Variants in SLC17A8 observed in about 807,000 individuals in gnomAD.
SLC17A8 encodes the protein solute carrier family 17 member 8, also known as vesicular glutamate transporter 3.
SLC17A8 carries 31 observed loss-of-function variants against 58.0 expected under a neutral mutation model. The ratio of observed to expected loss-of-function variants is 0.53; its 90% confidence interval spans 0.40 to 0.72. The LOEUF (loss-of-function observed/expected upper bound fraction) is 0.72. Among genes scored for constraint, SLC17A8 ranks in the 30% least tolerant of loss-of-function variants. The probability of loss-of-function intolerance (pLI) is 0.00; values close to 1 mark genes in which losing one functional copy is unlikely to be tolerated. For synonymous variants in SLC17A8, 228 were observed against 249.0 expected (o/e 0.92, Z 0.79); for missense variants, 655 against 727.8 (o/e 0.90, Z 1.15).
chr12:100,391,132 G>A lies in SLC17A8; in HGVS notation c.473+13G>A, dbSNP rs376526415. On this transcript the variant is annotated intron_variant, in intron 3 of 11. Coordinates refer to ENST00000323346, the MANE Select transcript of SLC17A8 (RefSeq NM_139319.3). The stretch of plus-strand genomic sequence containing the variant: ...TTGCTGCTAACAGGTAAGATAAATT[G>A]ATATAACATGATACAAACCAATGAA... The A allele has an allele frequency of 6.6e-6, 10 of 1,505,668 alleles. No homozygotes were observed. The African/African-American group carries it at 1.2e-4, about 19-fold the overall frequency. 93.3% of individuals were successfully genotyped at this position (1,505,668 alleles called of 1,614,324 possible).
rs1274376720 is a variant in SLC17A8 at position 100,402,408 on chromosome 12, A to C, written c.832A>C (p.Thr278Pro). 2 of 1,614,042 alleles carry C rather than the reference A, an allele frequency of 1.2e-6. No homozygotes were observed. The highest frequency in any genetic ancestry group is 2.7e-5 in the African/African-American group (2 of 74,930). Residue 278 changes from threonine to proline, a missense_variant, in exon 7 of 12, where the codon ACA becomes CCA. Thr to Pro is a conservative substitution (Grantham distance 38). Coordinates refer to ENST00000323346, the MANE Select transcript of SLC17A8 (RefSeq NM_139319.3). ...CTATGAGTGCCCAGCAGCTCATCCA[A>C]CAATATCCAATGAGGAGAAGACCTA... ...QAYECPAAHPTISNEEKTYIE... is the reference protein window; with the variant it reads ...QAYECPAAHPPISNEEKTYIE...
chr12:100,380,952 A>G lies in SLC17A8; in HGVS notation c.353A>G (p.Gln118Arg). ...TATGTTGATGGAAAACCGGAAATTCAGGTTGGTATCAGTCCATGGTGGAAG... is the reference window on the plus strand; with the variant it reads ...TATGTTGATGGAAAACCGGAAATTCGGGTTGGTATCAGTCCATGGTGGAAG... ...TVYVDGKPEIQTAQFNWDPET... is the reference protein window; with the variant it reads ...TVYVDGKPEIRTAQFNWDPET... The change falls in exon 2 of 12, where the codon CAG becomes CGG. Residue 118 changes from glutamine to arginine, a missense_variant and splice_region_variant. Transcript: ENST00000323346. 1 of 1,614,006 alleles carries G rather than the reference A, an allele frequency of 6.2e-7. No individual in the cohort carries two copies.
chr12:100,373,831 C>A (rs945916564), intron 1 of SLC17A8, among the ~76,000 whole-genome samples: 1 of 151,998 alleles, frequency 6.6e-6, no homozygotes, highest in Admixed American at 6.6e-5. Flanking sequence ...TCAGGTGATC[C>A]TCTCGCCTCA....
At chr12:100,397,648 A>G (rs897029052) in intron 5 of SLC17A8, among the ~76,000 whole-genome samples, 5 of 152,186 alleles carry the variant, frequency 3.3e-5, no homozygotes, top group Non-Finnish European at 7.3e-5. Context: ...TGAAGGTAAA[A>G]GTACCTTAGA....
chr12:100,387,383 C>T (rs1235875001), intron 2 of SLC17A8, among the ~76,000 whole-genome samples: 2 of 152,084 alleles, frequency 1.3e-5, no homozygotes, highest in African/African-American at 2.4e-5. Context: ...TAGATATTGG[C>T]CATTTATTGG....
intron 1 of SLC17A8, among the ~76,000 whole-genome samples, chr12:100,379,989 G>A (rs984488021): frequency 1.3e-5 from 2 of 151,778 alleles, no homozygotes; most frequent in Non-Finnish European, 2.9e-5. Flanking sequence ...CATCTGAGTC[G>A]GGAGTTTGAG....
In SLC17A8 at chr12:100,380,777, C is replaced by T. The variant is rs761040093; in HGVS notation, c.178C>T (p.Pro60Ser). The change falls in exon 2 of 12, where the codon CCA (proline) becomes TCA (serine). Residue 60 changes from proline to serine, a missense_variant. Coordinates refer to ENST00000323346, the MANE Select transcript of SLC17A8 (RefSeq NM_139319.3). ...EEGRPVQTSR[P>S]SPPLCDCHCC... ...AGGAAGGCCGGTGCAGACGTCCAGG[C>T]CAAGCCCCCCACTCTGCGACTGCCA... The T allele has an allele frequency of 1.9e-6, 3 of 1,614,120 alleles. No individual in the cohort carries two copies. Among genetic ancestry groups the T allele is most frequent in the South Asian group, 2.2e-5 (2 of 91,080 alleles).
At chr12:100,365,137 A>T (rs898425743) in intron 1 of SLC17A8, among the ~76,000 whole-genome samples, 3 of 152,156 alleles carry the variant, frequency 2.0e-5, no homozygotes, top group African/African-American at 7.2e-5. Flanking sequence ...TATGATGGAC[A>T]GTTGGACTTC....
chr12:100,385,114 C>T (rs866835086), intron 2 of SLC17A8, among the ~76,000 whole-genome samples: 1 of 150,614 alleles, frequency 6.6e-6, no homozygotes, highest in African/African-American at 2.5e-5. Flanking sequence ...CTCTCTCTCT[C>T]TCTGTGTGTG....
chr12:100,381,688 GCC>G (rs749816370), intron 2 of SLC17A8, among the ~76,000 whole-genome samples: 4 of 152,106 alleles, frequency 2.6e-5, no homozygotes, highest in African/African-American at 7.2e-5. Context: ...ATGAACCTTT[GCC>G]AAAGTAATGT....
chr12:100,413,648 A>T lies in SLC17A8; in HGVS notation c.1297+768A>T, dbSNP rs73147846. Among the ~76,000 whole-genome samples, 791 of 152,310 alleles carry T rather than the reference A, an allele frequency of 5.2e-3. 5 individuals are homozygous for T. Among genetic ancestry groups the T allele is most frequent in the Non-Finnish European group, 9.2e-3 (627 of 68,026 alleles). On this transcript the variant is annotated intron_variant, in intron 10 of 11. Transcript: ENST00000323346. The stretch of plus-strand genomic sequence containing the variant: ...AAAACTGGGTCAAAGAGTGAAATTT[A>T]GTTGTTTGTCTATCTTTAAAACATC...
Position 100,413,720 on chromosome 12 carries a change from AATCGC to A in SLC17A8, c.1297+842_1297+846del, listed in dbSNP as rs1256312482. ...GCCGGGTGCGCTGGCTTACGCGTGT[AATCGC>A]AGCACTTTGGGAGACCGAGACGAAT... On this transcript the variant is annotated intron_variant, in intron 10 of 11. Coordinates refer to ENST00000323346, the MANE Select transcript of SLC17A8 (RefSeq NM_139319.3). 1.4e-3 allele frequency among the ~76,000 whole-genome samples: 209 copies of A among 152,364 alleles called. 1 individual carries two copies. The highest frequency in any genetic ancestry group is 4.9e-3 in the African/African-American group (202 of 41,584).
chr12:100,380,251 A>C (rs975762199), intron 1 of SLC17A8, among the ~76,000 whole-genome samples: 1 of 151,122 alleles, frequency 6.6e-6, no homozygotes, highest in Non-Finnish European at 1.5e-5. Context: ...CAACTGTATC[A>C]GCTGGGTCGA....
chr12:100,413,153 G>C (rs1032357008), intron 10 of SLC17A8, among the ~76,000 whole-genome samples: 1 of 152,110 alleles, frequency 6.6e-6, no homozygotes, highest in Non-Finnish European at 1.5e-5. Flanking sequence ...ACGAGCAGAG[G>C]CCCAAGCATA....
At chr12:100,377,587 T>TATATATA (rs58055673) in intron 1 of SLC17A8, among the ~76,000 whole-genome samples, 39 of 44,220 alleles carry the variant, frequency 8.8e-4, no homozygotes, top group African/African-American at 3.4e-3. Flanking sequence ...ATATATATAT[T>TATATATA]TTTTTTTTTT....
At chr12:100,371,865 ATTCTGAGTGTCTCAGTC>A (rs1186161177) in intron 1 of SLC17A8, among the ~76,000 whole-genome samples, 1 of 152,146 alleles carries the variant, frequency 6.6e-6, no homozygotes, top group Non-Finnish European at 1.5e-5. Context: ...GGTTTTAAAT[ATTCTGAGTGTCTCAGTC>A]TTCTGAGCGT....
chr12:100,367,392 A>G (rs910492286), intron 1 of SLC17A8, among the ~76,000 whole-genome samples: 1 of 152,204 alleles, frequency 6.6e-6, no homozygotes, highest in Non-Finnish European at 1.5e-5. Context: ...AAATTCAGCA[A>G]TTTTTATACC....
intron 4 of SLC17A8, among the ~76,000 whole-genome samples, chr12:100,394,495 A>G (rs1340669693): frequency 7.0e-6 from 1 of 143,774 alleles, no homozygotes; most frequent in Non-Finnish European, 1.5e-5. Context: ...TCTGCCTCCC[A>G]GGTTCAAGCG....
chr12:100,418,844 C>T (rs1952926624), intron 11 of SLC17A8, among the ~76,000 whole-genome samples: 1 of 152,116 alleles, frequency 6.6e-6, no homozygotes, highest in South Asian at 2.1e-4. Context: ...TTGCAGCTTC[C>T]TGCAGAAGAA....
Sources: allele counts gnomAD v4.1 joint callset (sites outside exome capture counted in the v4.1 genomes callset), GRCh38; gene constraint gnomAD v4.1.1; transcripts MANE v1.5; gene names NCBI Gene and HGNC (gene_info 2026-07-23, HGNC 2026-07-21).